RHBDL3: variants seen among roughly 807,000 people sequenced by gnomAD.
RHBDL3 encodes rhomboid-related protein 3.
A neutral mutation model predicts 48.2 loss-of-function variants in RHBDL3; 28 were observed. The observed-to-expected ratio is 0.58, with a 90% CI of 0.43 to 0.80. The LOEUF (loss-of-function observed/expected upper bound fraction) is 0.80. Ranked by LOEUF, RHBDL3 falls within the 30% of genes least tolerant of loss-of-function variation. The pLI, the probability that RHBDL3 is intolerant of heterozygous loss-of-function variation, is 0.00. For synonymous variants in RHBDL3, 208 were observed against 232.3 expected (o/e 0.90, Z 0.95); for missense variants, 464 against 542.7 (o/e 0.85, Z 1.44).
chr17:32,320,611 G>A (rs2041103670), intron 8 of RHBDL3, among the ~76,000 whole-genome samples: 2 of 152,136 alleles, frequency 1.3e-5, no homozygotes, highest in Non-Finnish European at 1.5e-5. Flanking sequence ...GGTGTGAGCC[G>A]CCGCACCCGG....
intron 6 of RHBDL3, among the ~76,000 whole-genome samples, chr17:32,299,358 C>T (rs2040530419): frequency 6.6e-6 from 1 of 152,180 alleles, no homozygotes; most frequent in Non-Finnish European, 1.5e-5. Context: ...CCTGTATGCG[C>T]TGAGGTTAAA....
At chr17:32,307,143 A>G (rs1360490739) in intron 7 of RHBDL3, among the ~76,000 whole-genome samples, 2 of 152,164 alleles carry the variant, frequency 1.3e-5, no homozygotes, top group African/African-American at 4.8e-5. Flanking sequence ...CTGAAGGCTG[A>G]TGGAGGAGTC....
intron 2 of RHBDL3, among the ~76,000 whole-genome samples, chr17:32,283,466 GGC>G (rs2040112260): frequency 1.3e-5 from 2 of 151,962 alleles, no homozygotes; most frequent in Admixed American, 6.5e-5. Context: ...TGGGACTACA[GGC>G]GCACACCACC....
In RHBDL3 at chr17:32,290,757, C is replaced by T. The variant is rs370788569; in HGVS notation, c.519+1741C>T. Among the ~76,000 whole-genome samples the T allele has an allele frequency of 4.6e-5, 7 of 152,256 alleles. No individual in the cohort carries two copies. The East Asian group carries it at 1.2e-3, about 25-fold the overall frequency. On this transcript the variant is annotated intron_variant, in intron 4 of 8. Coordinates refer to ENST00000269051, the MANE Select transcript of RHBDL3 (RefSeq NM_138328.3). ...GTGGTTCACACCTGTAATGCCAGCA[C>T]TTTGGGAGGTCAGGGTGGGAGGATC...
chr17:32,292,826 A>C (rs983581271), intron 4 of RHBDL3, among the ~76,000 whole-genome samples: 9 of 141,316 alleles, frequency 6.4e-5, no homozygotes, highest in African/African-American at 2.4e-4. Context: ...AAAAAAAGGA[A>C]GGGAAGGCTG....
rs960694900 is a variant in RHBDL3 at position 32,323,520 on chromosome 17, G to A, written c.*2291G>A. The A allele has an allele frequency of 6.6e-6, 1 of 152,484 alleles. No homozygotes were observed. 9.4% of individuals were successfully genotyped at this position (152,484 alleles called of 1,614,324 possible). ...GGCCCCTGGGGATTCTGTGGTGTGG[G>A]TGGAATGAGCAGAGTGCCACCTCTG... On this transcript the variant is annotated 3_prime_UTR_variant, in exon 9 of 9. Coordinates refer to ENST00000269051, the MANE Select transcript of RHBDL3 (RefSeq NM_138328.3).
chr17:32,277,030 C>T (rs1331792845), intron 2 of RHBDL3, among the ~76,000 whole-genome samples: 1 of 152,248 alleles, frequency 6.6e-6, no homozygotes, highest in East Asian at 1.9e-4. Flanking sequence ...TTTCCCAGGG[C>T]TCATTCTGCC....
intron 3 of RHBDL3, among the ~76,000 whole-genome samples, chr17:32,286,899 G>T (rs1222210286): frequency 6.6e-6 from 1 of 152,184 alleles, no homozygotes. Flanking sequence ...AGAAGAAGAG[G>T]CTCCTTTATC....
chr17:32,273,077 C>T (rs1055330951), intron 2 of RHBDL3, among the ~76,000 whole-genome samples: 5 of 152,158 alleles, frequency 3.3e-5, no homozygotes, highest in East Asian at 1.9e-4. Flanking sequence ...CTCAGCTTAC[C>T]GCAACCTCCA....
intron 6 of RHBDL3, among the ~76,000 whole-genome samples, chr17:32,300,490 G>T (rs1323057500): frequency 1.1e-4 from 16 of 152,094 alleles, no homozygotes; most frequent in Admixed American, 1.0e-3. Flanking sequence ...GAAGTGCAAG[G>T]CTGCAGTGAG....
chr17:32,315,793 G>T (rs1159434427), intron 7 of RHBDL3, among the ~76,000 whole-genome samples: 1 of 151,672 alleles, frequency 6.6e-6, no homozygotes, highest in Non-Finnish European at 1.5e-5. Context: ...TGACCCCTCA[G>T]TCCCCTCTTT....
chr17:32,276,726 CCGGCCCT>C, intron 2 of RHBDL3, among the ~76,000 whole-genome samples: 1 of 126,610 alleles, frequency 7.9e-6, no homozygotes, highest in South Asian at 2.5e-4. Context: ...GCACCTTACT[CCGGCCCT>C]AGCACCTTAC....
intron 6 of RHBDL3, among the ~76,000 whole-genome samples, chr17:32,301,093 G>A (rs2040572305): frequency 6.6e-6 from 1 of 151,996 alleles, no homozygotes; most frequent in Non-Finnish European, 1.5e-5. Flanking sequence ...TCTTGGCCAG[G>A]TTAGTATTGA....
chr17:32,303,678 C>G (rs931341290), intron 6 of RHBDL3, among the ~76,000 whole-genome samples: 2 of 152,038 alleles, frequency 1.3e-5, no homozygotes. Context: ...GAGATTACAT[C>G]CCCCTTGAGA....
chr17:32,317,678 G>A (rs923732629), intron 8 of RHBDL3, among the ~76,000 whole-genome samples: 1 of 152,206 alleles, frequency 6.6e-6, no homozygotes, highest in African/African-American at 2.4e-5. Context: ...GAAATAGTAT[G>A]AGTCAGATTG....
intron 7 of RHBDL3, among the ~76,000 whole-genome samples, chr17:32,311,226 C>T (rs2040841483): frequency 6.6e-6 from 1 of 152,202 alleles, no homozygotes; most frequent in African/African-American, 2.4e-5. Flanking sequence ...TTTGTATTCC[C>T]CAAAGATCTG....
intron 4 of RHBDL3, 148 bp from the exon 5 acceptor site, chr17:32,294,145 AC>A: frequency 8.9e-6 from 5 of 562,244 alleles, no homozygotes; most frequent in South Asian, 3.0e-5. Context: ...AAAAAAAAAA[AC>A]TCAGTTGGGC....
chr17:32,283,542 C>T (rs1003673069), intron 2 of RHBDL3, among the ~76,000 whole-genome samples: 3 of 152,074 alleles, frequency 2.0e-5, no homozygotes, highest in South Asian at 2.1e-4. Context: ...CCAGGATGGT[C>T]TCCATCTCCT....
At chr17:32,297,605 T>TCTCTGAAC (rs2040482134) in intron 5 of RHBDL3, among the ~76,000 whole-genome samples, 1 of 149,860 alleles carries the variant, frequency 6.7e-6, no homozygotes, top group Non-Finnish European at 1.5e-5. Flanking sequence ...CTGGTCACTA[T>TCTCTGAAC]CTCTGAACCT....
Sources: allele counts gnomAD v4.1 joint callset (sites outside exome capture counted in the v4.1 genomes callset), GRCh38; gene constraint gnomAD v4.1.1; transcripts MANE v1.5; gene names NCBI Gene and HGNC (gene_info 2026-07-23, HGNC 2026-07-21).